SLC12A3: variants seen among roughly 807,000 people sequenced by gnomAD.
SLC12A3 encodes Na-Cl cotransporter.
A neutral mutation model predicts 121.0 loss-of-function variants in SLC12A3; 104 were observed. That is an observed-to-expected ratio of 0.86 (90% CI 0.73 to 1.01). The LOEUF is 1.01. Among genes scored for constraint, SLC12A3 ranks in the 50% least tolerant of loss-of-function variants. The pLI is 0.00. For missense variants in SLC12A3, 1,328 were observed against 1,356.3 expected (o/e 0.98, Z 0.33); for synonymous variants, 536 against 533.4 (o/e 1.00, Z -0.07).
In SLC12A3 at chr16:56,899,517, A is replaced by C; in HGVS notation, c.2634-13A>C. 6.2e-7 allele frequency: 1 copy of C among 1,603,418 alleles called. No individual in the cohort carries two copies. Among genetic ancestry groups the C allele is most frequent in the Non-Finnish European group, 8.5e-7 (1 of 1,170,228 alleles). On this transcript the variant is annotated splice_polypyrimidine_tract_variant and intron_variant, in intron 22 of 25. Transcript: ENST00000563236. The stretch of plus-strand genomic sequence containing the variant: ...AAAAAGTAATAACAATAAACCCTCC[A>C]TGTGTCCTCCAGGATCATTTCTCTG...
Position 56,890,356 on chromosome 16 carries a change from A to G in SLC12A3, c.2368A>G (p.Ile790Val). The G allele has an allele frequency of 1.9e-6, 3 of 1,613,538 alleles. No homozygotes were observed. The highest frequency in any genetic ancestry group is 1.1e-5 in the South Asian group (1 of 91,080). ...CGTGTCCAAGATGATGCAGGCGCACAGTGAGTACATGCCCCACCCACTCCC... is the reference window on the plus strand; with the variant it reads ...CGTGTCCAAGATGATGCAGGCGCACGGTGAGTACATGCCCCACCCACTCCC... ...LNVSKMMQAH[I>V]NPVFDPAEDG... is the part of the protein sequence containing the mutation. The change falls in exon 19 of 26, where the codon ATT (isoleucine) becomes GTT (valine). Residue 790 changes from isoleucine (I) to valine (V), a missense_variant and splice_region_variant. Coordinates refer to ENST00000563236, the MANE Select transcript of SLC12A3 (RefSeq NM_001126108.2).
Position 56,870,226 on chromosome 16 carries a change from C to T in SLC12A3, c.732C>T (p.Asp244=). 1.2e-6 allele frequency: 2 copies of T among 1,613,398 alleles called. No individual in the cohort carries two copies. The highest frequency in any genetic ancestry group is 2.2e-5 in the East Asian group (1 of 44,886). Residue 244 remains aspartate, a synonymous_variant, in exon 5 of 26, where the codon GAC becomes GAT. Transcript: ENST00000563236. The stretch of plus-strand genomic sequence containing the variant: ...TGGGCTTTGCAGAGACCGTGCGGGA[C>T]CTGCTCCAGGTGAGGCCGGGGGGCT... The part of the protein sequence containing the change: ...HTVGFAETVR[D]LLQEYGAPIV...
intron 13 of SLC12A3, among the ~76,000 whole-genome samples, chr16:56,883,661 G>A (rs2055271289): frequency 6.6e-6 from 1 of 152,202 alleles, no homozygotes; most frequent in African/African-American, 2.4e-5. Context: ...TGGCCCTGGA[G>A]TTGCACCATG....
chr16:56,905,169 G>A lies in SLC12A3; in HGVS notation c.2924+707G>A, dbSNP rs368083054. The stretch of plus-strand genomic sequence containing the variant: ...AGCCTGACCAACATGGAGAAACCCC[G>A]TCTCTACTAAAAATACAAAATTAGC... On this transcript the variant is annotated intron_variant, in intron 25 of 25. Coordinates refer to ENST00000563236, the MANE Select transcript of SLC12A3 (RefSeq NM_001126108.2). Among the ~76,000 whole-genome samples, 806 of 151,922 alleles carry A rather than the reference G, an allele frequency of 5.3e-3. 13 individuals are homozygous for A. The highest frequency in any genetic ancestry group is 0.018 in the African/African-American group (761 of 41,414).
intron 3 of SLC12A3, among the ~76,000 whole-genome samples, chr16:56,869,389 G>A (rs1042922324): frequency 3.3e-5 from 5 of 152,038 alleles, no homozygotes; most frequent in Non-Finnish European, 5.9e-5. Context: ...GTGCAGTCGC[G>A]TGGTCTCGGC....
At chr16:56,868,660 C>T (rs1964417918) in intron 3 of SLC12A3, among the ~76,000 whole-genome samples, 1 of 152,178 alleles carries the variant, frequency 6.6e-6, no homozygotes, top group Non-Finnish European at 1.5e-5. Flanking sequence ...TCAAAGCGTG[C>T]AGGTTAGAAA....
intron 12 of SLC12A3, among the ~76,000 whole-genome samples, chr16:56,880,749 C>A (rs1354209989): frequency 6.6e-6 from 1 of 152,166 alleles, no homozygotes; most frequent in African/African-American, 2.4e-5. Context: ...TGGTAGATGT[C>A]TTAAGAGAAA....
At chr16:56,884,761 G>A (rs942303930) in intron 14 of SLC12A3, among the ~76,000 whole-genome samples, 3 of 152,074 alleles carry the variant, frequency 2.0e-5, no homozygotes, top group African/African-American at 7.2e-5. Context: ...AGCTTGAGGT[G>A]TAACTTTTTT....
chr16:56,891,431 G>GCAA (rs1390225010), intron 19 of SLC12A3, among the ~76,000 whole-genome samples: 2 of 151,430 alleles, frequency 1.3e-5, no homozygotes, highest in African/African-American at 4.9e-5. Flanking sequence ...AACGTGTATG[G>GCAA]CAACAAATGA....
rs557322182 is a variant in SLC12A3, at chr16:56,889,158, G to T, written c.2286-1116G>T. On this transcript the variant is annotated intron_variant, in intron 18 of 25. Coordinates refer to ENST00000563236, the MANE Select transcript of SLC12A3 (RefSeq NM_001126108.2). ...GAACAACATGAGGCTGAGGGTTGGG[G>T]CCCTGAGACCTGCTTCCAGGTATGC... 4.6e-5 allele frequency among the ~76,000 whole-genome samples: 7 copies of T among 151,280 alleles called. No homozygotes were observed. In the South Asian group the frequency reaches 1.5e-3, roughly 33 times the overall value.
chr16:56,895,676 A>G (rs1265038543), intron 22 of SLC12A3, among the ~76,000 whole-genome samples: 1 of 151,914 alleles, frequency 6.6e-6, no homozygotes, highest in Non-Finnish European at 1.5e-5. Flanking sequence ...GTGGAAGACA[A>G]TTTTTCCACA....
Position 56,913,929 on chromosome 16 carries a change from T to C in SLC12A3, c.*524T>C, listed in dbSNP as rs2055720343. On this transcript the variant is annotated 3_prime_UTR_variant, in exon 26 of 26. Coordinates refer to ENST00000563236, the MANE Select transcript of SLC12A3 (RefSeq NM_001126108.2). ...AATACATATATATATATTTTTTTTT[T>C]AGATGAAGTTTTTTCTCTTGTTGCC... 6.6e-6 allele frequency: 1 copy of C among 151,750 alleles called. No homozygotes were observed. Among genetic ancestry groups the C allele is most frequent in the Admixed American group, 6.6e-5 (1 of 15,266 alleles). 9.4% of individuals were successfully genotyped at this position (151,750 alleles called of 1,614,324 possible).
rs558413063 is a variant in SLC12A3, at chr16:56,874,210, G to A, written c.1095+1424G>A. ...ACTAGGTGCTCTGTACATGTTTGTTGACTGAATCATGGTGAAATGCAGTGT... is the reference window on the plus strand; with the variant it reads ...ACTAGGTGCTCTGTACATGTTTGTTAACTGAATCATGGTGAAATGCAGTGT... On this transcript the variant is annotated intron_variant, in intron 8 of 25. Transcript: ENST00000563236. 4.6e-5 allele frequency among the ~76,000 whole-genome samples: 7 copies of A among 151,660 alleles called. No individual in the cohort carries two copies. In the South Asian group the frequency reaches 1.4e-3, roughly 31 times the overall value.
intron 5 of SLC12A3, 71 bp downstream of exon 5, chr16:56,870,306 G>A: frequency 4.0e-6 from 6 of 1,514,292 alleles, no homozygotes; most frequent in Non-Finnish European, 5.4e-6. Context: ...CGCCCCATCT[G>A]GGCTGGGGCC....
intron 19 of SLC12A3, among the ~76,000 whole-genome samples, chr16:56,891,731 G>A (rs1440015801): frequency 2.0e-5 from 3 of 152,198 alleles, no homozygotes; most frequent in Non-Finnish European, 4.4e-5. Context: ...TGGAGAAAAC[G>A]GGTGCAGGGC....
chr16:56,883,982 C>T, intron 13 of SLC12A3, 67 bp from the exon 14 acceptor site: 5 of 1,570,620 alleles, frequency 3.2e-6, no homozygotes, highest in Non-Finnish European at 3.5e-6. Context: ...AGGCCCTGCC[C>T]AGCAGCTCTG....
chr16:56,880,946 T>C (rs1474225120), intron 12 of SLC12A3, among the ~76,000 whole-genome samples: 1 of 152,264 alleles, frequency 6.6e-6, no homozygotes, highest in Non-Finnish European at 1.5e-5. Context: ...CAGGAAGACC[T>C]ACATGCATTC....
intron 6 of SLC12A3, among the ~76,000 whole-genome samples, chr16:56,871,290 C>T (rs1318644480): frequency 1.3e-5 from 2 of 152,244 alleles, no homozygotes; most frequent in Admixed American, 1.3e-4. Flanking sequence ...ACATCCCCTC[C>T]AGTCAGAGGG....
At chr16:56,877,114 G>A (rs762301149) in intron 8 of SLC12A3, among the ~76,000 whole-genome samples, 4 of 152,298 alleles carry the variant, frequency 2.6e-5, no homozygotes, top group South Asian at 2.1e-4. Flanking sequence ...ACGAGCGGCC[G>A]GGCGCGGGGG....
Sources: gnomAD v4.1 joint callset for allele counts (sites outside exome capture counted in the v4.1 genomes callset) on GRCh38, gnomAD v4.1.1 for gene constraint, MANE v1.5 for transcripts, NCBI Gene and HGNC (gene_info 2026-07-23, HGNC 2026-07-21) for gene names.